ANKAR: variants seen among roughly 807,000 people sequenced by gnomAD.
The protein encoded by ANKAR is ankyrin and armadillo repeat-containing protein.
A neutral mutation model predicts 146.2 loss-of-function variants in ANKAR; 136 were observed. The ratio of observed to expected loss-of-function variants is 0.93; its 90% CI spans 0.81 to 1.07. ANKAR has a LOEUF of 1.07. Ranked by LOEUF, ANKAR falls within the 50% of genes least tolerant of loss-of-function variation. ANKAR has a pLI of 0.00. For synonymous variants in ANKAR, 500 were observed against 575.8 expected, an observed-to-expected ratio of 0.87 and a Z score of 1.88; for missense variants, 1,567 against 1,679.9, an observed-to-expected ratio of 0.93 and a Z score of 1.18.
At chr2:189,687,430 G>T (rs113723703) in intron 2 of ANKAR, among the ~76,000 whole-genome samples, 1 of 152,194 alleles carries the variant, frequency 6.6e-6, no homozygotes, top group Non-Finnish European at 1.5e-5. Flanking sequence ...ACGTGGGAGT[G>T]CAGATACCCT....
intron 7 of ANKAR, among the ~76,000 whole-genome samples, chr2:189,701,638 T>G (rs1487582349): frequency 6.6e-6 from 1 of 152,234 alleles, no homozygotes; most frequent in East Asian, 1.9e-4. Context: ...TCTTTTACAG[T>G]GTTTTTTATC....
Position 189,692,360 on chromosome 2 carries a change from G to A in ANKAR, c.1145G>A (p.Gly382Glu). The A allele has an allele frequency of 1.2e-6, 2 of 1,613,026 alleles. No homozygotes were observed. The highest frequency in any genetic ancestry group is 1.7e-6 in the Non-Finnish European group (2 of 1,179,664). Residue 382 changes from glycine (G) to glutamate (E), a missense_variant, in exon 4 of 23, where the codon GGA becomes GAA. Coordinates refer to ENST00000684021, the MANE Select transcript of ANKAR (RefSeq NM_001378068.1). ...YKENQYFHVH[G>E]GIEFDISTPS... ...GAGAATCAATATTTTCATGTTCATG[G>A]AGGAATTGAATTTGATATCAGCACC...
chr2:189,730,541 T>A lies in ANKAR; in HGVS notation c.3240T>A (p.Asp1080Glu). 1.9e-6 allele frequency: 3 copies of A among 1,605,596 alleles called. No homozygotes were observed. The highest frequency in any genetic ancestry group is 2.6e-6 in the Non-Finnish European group (3 of 1,175,272). ...CTGTCAGTCAACAATTGGTTGTAGA[T>A]GAAAATGCCTTTCCAGTACTTATCC... ...SNPVSQQLVV[D>E]ENAFPVLIQL... Residue 1080 changes from aspartate to glutamate, a missense_variant, in exon 16 of 23, where the codon GAT becomes GAA. Coordinates refer to ENST00000684021, the MANE Select transcript of ANKAR (RefSeq NM_001378068.1).
intron 2 of ANKAR, among the ~76,000 whole-genome samples, chr2:189,680,640 T>C (rs1323622140): frequency 6.6e-6 from 1 of 152,102 alleles, no homozygotes; most frequent in Non-Finnish European, 1.5e-5. Flanking sequence ...ATCACTATTA[T>C]CGTTTGGTTC....
intron 10 of ANKAR, among the ~76,000 whole-genome samples, chr2:189,714,171 TA>T (rs2040094875): frequency 6.6e-6 from 1 of 152,160 alleles, no homozygotes; most frequent in Admixed American, 6.5e-5. Context: ...TGGGAGACTT[TA>T]ACACCCCACT....
intron 2 of ANKAR, among the ~76,000 whole-genome samples, chr2:189,680,795 T>A (rs2034534383): frequency 6.6e-6 from 1 of 152,044 alleles, no homozygotes; most frequent in Non-Finnish European, 1.5e-5. Flanking sequence ...TCTGAGAGGA[T>A]ACTTGATATA....
At chr2:189,723,620 C>T (rs1039471102) in intron 12 of ANKAR, among the ~76,000 whole-genome samples, 3 of 152,040 alleles carry the variant, frequency 2.0e-5, no homozygotes, top group African/African-American at 4.8e-5. Flanking sequence ...ATTATGTACT[C>T]CTTACATTCT....
chr2:189,738,544 C>G (rs767621341), intron 18 of ANKAR, 21 bp from the exon 19 acceptor site: 2 of 1,425,642 alleles, frequency 1.4e-6, no homozygotes, highest in Non-Finnish European at 1.9e-6. Context: ...CAAAGACTCT[C>G]TGCTTCTTTT....
chr2:189,675,609 A>C (rs2033474946), intron 1 of ANKAR, among the ~76,000 whole-genome samples: 1 of 152,060 alleles, frequency 6.6e-6, no homozygotes, highest in South Asian at 2.1e-4. Flanking sequence ...TGGCCTCCCA[A>C]AGTGCTGGGA....
At chr2:189,676,024 C>T in intron 1 of ANKAR, 1 of 164,910 alleles carries the variant, frequency 6.1e-6, no homozygotes, top group Non-Finnish European at 1.3e-5. Flanking sequence ...CATGCTTGTA[C>T]AGCCTGCAGA....
intron 16 of ANKAR, among the ~76,000 whole-genome samples, chr2:189,730,864 G>GT (rs2042338400): frequency 1.3e-5 from 2 of 152,146 alleles, no homozygotes; most frequent in Admixed American, 1.3e-4. Flanking sequence ...AAAATCTTAT[G>GT]TTTTTACTCT....
At chr2:189,698,566 C>T (rs2037588917) in intron 7 of ANKAR, among the ~76,000 whole-genome samples, 1 of 152,104 alleles carries the variant, frequency 6.6e-6, no homozygotes, top group African/African-American at 2.4e-5. Context: ...ATTTAAGAGG[C>T]TATACCTTCA....
At chr2:189,758,382 AAAAG>A (rs1160159444) in intron 18 of ANKAR, among the ~76,000 whole-genome samples, 2 of 151,862 alleles carry the variant, frequency 1.3e-5, no homozygotes, top group Non-Finnish European at 2.9e-5. Flanking sequence ...ACTCCATCTC[AAAAG>A]AAAAAAAAAA....
At chr2:189,726,774 A>T (rs2041923356) in intron 12 of ANKAR, among the ~76,000 whole-genome samples, 1 of 152,194 alleles carries the variant, frequency 6.6e-6, no homozygotes, top group Non-Finnish European at 1.5e-5. Flanking sequence ...ATAAAAGGAT[A>T]GGCTTGTTTT....
chr2:189,698,869 G>C (rs983061902), intron 7 of ANKAR, among the ~76,000 whole-genome samples: 26 of 152,058 alleles, frequency 1.7e-4, no homozygotes, highest in African/African-American at 6.0e-4. Context: ...GAACTGGAGC[G>C]GGAAAAAAGG....
At position 189,728,287 on chromosome 2, in the gene ANKAR, G is replaced by A. The variant is rs1483853376; in HGVS notation, c.2898G>A (p.Lys966=). 1 of 1,604,552 alleles carries A rather than the reference G, an allele frequency of 6.2e-7. No individual in the cohort carries two copies. Residue 966 remains lysine, a synonymous_variant, in exon 14 of 23, where the codon AAG becomes AAA. Coordinates refer to ENST00000684021, the MANE Select transcript of ANKAR (RefSeq NM_001378068.1). ...KLLKAFQIDV[K]EQGAVALWAL... is the part of the protein sequence containing the mutation. ...AATAGGCATTTCAAATAGATGTTAA[G>A]GAACAAGGAGCTGTTGCACTTTGGG...
At chr2:189,748,315 C>T (rs1274605457), downstream of ANKAR, among the ~76,000 whole-genome samples, 1 of 152,204 alleles carries the variant, frequency 6.6e-6, no homozygotes, top group Non-Finnish European at 1.5e-5. Flanking sequence ...GCAATCATCC[C>T]ACCTCAGCCT....
chr2:189,705,504 AT>A, intron 8 of ANKAR, among the ~76,000 whole-genome samples: 1 of 152,200 alleles, frequency 6.6e-6, no homozygotes, highest in African/African-American at 2.4e-5. Context: ...ATAAGGACTA[AT>A]CCCCAGGGAG....
At chr2:189,731,649 G>C (rs1318740051) in intron 16 of ANKAR, among the ~76,000 whole-genome samples, 2 of 150,696 alleles carry the variant, frequency 1.3e-5, no homozygotes, top group East Asian at 3.9e-4. Flanking sequence ...TGGGATTAAG[G>C]TATGAGCCAC....
Sources: gnomAD v4.1 joint callset for allele counts (sites outside exome capture counted in the v4.1 genomes callset) on GRCh38, gnomAD v4.1.1 for gene constraint, MANE v1.5 for transcripts, NCBI Gene and HGNC (gene_info 2026-07-23, HGNC 2026-07-21) for gene names.